BCL2L14: variants seen among roughly 807,000 people sequenced by gnomAD.
The protein encoded by BCL2L14 is BCL2 like 14, also known as apoptosis facilitator Bcl-2-like protein 14.
BCL2L14 carries 27 observed loss-of-function variants against 35.3 expected under a neutral mutation model. The ratio of observed to expected loss-of-function variants is 0.76; its 90% CI spans 0.56 to 1.05. The LOEUF is 1.05. BCL2L14 is among the 50% of genes least tolerant of loss of function. BCL2L14 has a pLI of 0.00. For missense variants in BCL2L14, 377 were observed against 382.6 expected (o/e 0.99, Z 0.12); for synonymous variants, 139 against 145.9 (o/e 0.95, Z 0.34).
chr12:12,091,652 A>C (rs1335055480), intron 4 of BCL2L14, among the ~76,000 whole-genome samples: 1 of 152,206 alleles, frequency 6.6e-6, no homozygotes, highest in Non-Finnish European at 1.5e-5. Flanking sequence ...CTTTGTCAAA[A>C]GTGTGCCCAG....
At chr12:12,094,439 T>C (rs1949265036) in intron 4 of BCL2L14, 1 of 1,318,104 alleles carries the variant, frequency 7.6e-7, no homozygotes, top group African/African-American at 1.4e-5. Flanking sequence ...AACTGACTGT[T>C]CCATTTTATA....
chr12:12,090,650 A>T lies in BCL2L14; in HGVS notation c.608-129A>T, dbSNP rs999305801. 4.2e-3 allele frequency: 2,328 copies of T among 555,808 alleles called. 1 individual carries two copies. The highest frequency in any genetic ancestry group is 7.7e-3 in the Middle Eastern group (15 of 1,938). 34.4% of individuals were successfully genotyped at this position (555,808 alleles called of 1,614,324 possible). On this transcript the variant is annotated intron_variant, in intron 3 of 5. Coordinates refer to ENST00000308721, the MANE Select transcript of BCL2L14 (RefSeq NM_138723.2). ...CTCTGTCTAAAAAATAAAAAATAAA[A>T]AAAAAAAAAAGAATTAGCATGCCTC...
At chr12:12,096,333 A>T in intron 5 of BCL2L14, 1 of 239,136 alleles carries the variant, frequency 4.2e-6, no homozygotes, top group Non-Finnish European at 6.8e-6. Context: ...ATATGCTATT[A>T]AAAAGCAGTG....
chr12:12,060,132 C>A (rs1336183881), intron 2 of BCL2L14, among the ~76,000 whole-genome samples: 1 of 151,440 alleles, frequency 6.6e-6, no homozygotes, highest in African/African-American at 2.4e-5. Flanking sequence ...TGCTCCTCCA[C>A]CCTATAATCC....
At position 12,076,684 on chromosome 12, in the gene BCL2L14, G is replaced by A. The variant is rs539669394; in HGVS notation, c.-7-2615G>A. ...CTCCCAGGCTCACTTCCATCAGAAC[G>A]CACCTAGCCAGGGACCCTTGCTTTC... On this transcript the variant is annotated intron_variant, in intron 1 of 5. Coordinates refer to ENST00000308721, the MANE Select transcript of BCL2L14 (RefSeq NM_138723.2). 4.6e-5 allele frequency among the ~76,000 whole-genome samples: 7 copies of A among 152,216 alleles called. No individual in the cohort carries two copies. In the East Asian group the frequency reaches 1.2e-3, roughly 25 times the overall value.
rs943892722 is a variant in BCL2L14 at position 12,084,960 on chromosome 12, G to A, written c.434-2253G>A. ...GTAGTGGCGGGAGCCACTACGTCCTGTAATCCCAGCTACACAGGAGGCTGA... is the reference window on the plus strand; with the variant it reads ...GTAGTGGCGGGAGCCACTACGTCCTATAATCCCAGCTACACAGGAGGCTGA... On this transcript the variant is annotated intron_variant, in intron 2 of 5. Coordinates refer to ENST00000308721, the MANE Select transcript of BCL2L14 (RefSeq NM_138723.2). Among the ~76,000 whole-genome samples the A allele has an allele frequency of 2.6e-5, 4 of 151,562 alleles. No homozygotes were observed. In the East Asian group the frequency reaches 7.8e-4, roughly 29 times the overall value.
intron 1 of BCL2L14, chr12:12,049,965 C>T (rs544007984): frequency 2.0e-5 from 3 of 152,248 alleles, no homozygotes; most frequent in African/African-American, 7.2e-5. Context: ...GTGAGTGCTA[C>T]ATAAGTTTCT....
intron 1 of BCL2L14, among the ~76,000 whole-genome samples, chr12:12,075,512 G>A (rs568178982): frequency 1.1e-4 from 17 of 151,576 alleles, no homozygotes; most frequent in African/African-American, 2.9e-4. Flanking sequence ...TGCAACCTCC[G>A]CCTCCTGGGT....
intron 2 of BCL2L14, among the ~76,000 whole-genome samples, chr12:12,082,809 G>A (rs535069138): frequency 2.0e-5 from 3 of 152,152 alleles, no homozygotes; most frequent in Middle Eastern, 3.4e-3. Context: ...TTCTCCTCAC[G>A]CTTGCATTTA....
At chr12:12,073,298 T>A (rs1166698084) in intron 1 of BCL2L14, among the ~76,000 whole-genome samples, 1 of 152,236 alleles carries the variant, frequency 6.6e-6, no homozygotes, top group Non-Finnish European at 1.5e-5. Context: ...GGTAGCCTCC[T>A]TCTGGGGCTG....
intron 2 of BCL2L14, among the ~76,000 whole-genome samples, chr12:12,057,191 TAAAC>T (rs1306748704): frequency 6.6e-5 from 10 of 152,274 alleles, no homozygotes; most frequent in East Asian, 5.8e-4. Flanking sequence ...TACAGGACAA[TAAAC>T]AAAGGCATTC....
intron 2 of BCL2L14, among the ~76,000 whole-genome samples, chr12:12,061,402 G>T (rs2448042): frequency 0.9 from 128,990 of 142,852 alleles, 58,095 homozygotes; most frequent in East Asian, 0.99. Context: ...GCTTTAAAAG[G>T]ATTAAAGCCT....
chr12:12,061,053 CCTCT>C (rs1224520923), intron 2 of BCL2L14, among the ~76,000 whole-genome samples: 20 of 102,712 alleles, frequency 1.9e-4, no homozygotes, highest in Non-Finnish European at 7.8e-5. Flanking sequence ...GGCTTCTAAA[CCTCT>C]TAAAACTCCC....
At chr12:12,071,686 C>G (rs1441613320) in intron 1 of BCL2L14, 2 of 152,240 alleles carry the variant, frequency 1.3e-5, no homozygotes, top group Admixed American at 6.5e-5. Context: ...TCTCCTCTCT[C>G]CCCTCTAGAA....
In BCL2L14 at chr12:12,051,557, C is replaced by T. The variant is rs372262527; in HGVS notation, c.-323-239C>T. 5.5e-5 allele frequency among the ~76,000 whole-genome samples: 8 copies of T among 144,892 alleles called. No individual in the cohort carries two copies. In the East Asian group the frequency reaches 1.4e-3, roughly 25 times the overall value. ...CACACAGCCAGATCAAATTTACCCC[C>T]TGGTAACTTTCAGCCCCTGGTCCCC... On this transcript the variant is annotated intron_variant, in intron 1 of 3. Transcript: ENST00000461264.
At chr12:12,064,496 C>T (rs1948571020) in intron 2 of BCL2L14, among the ~76,000 whole-genome samples, 1 of 152,140 alleles carries the variant, frequency 6.6e-6, no homozygotes, top group South Asian at 2.1e-4. Flanking sequence ...GCCTACTACA[C>T]AGCTGAGTTA....
At position 12,059,652 on chromosome 12, in the gene BCL2L14, T is replaced by A. The variant is rs554108937; in HGVS notation, c.-272+7805T>A. ...CGTGTCTCTACTCTTTTCTCTGGGC[T>A]TGCCTCCTTCACTATAGGCAAGCTT... On this transcript the variant is annotated intron_variant, in intron 2 of 3. Coordinates refer to the BCL2L14 transcript ENST00000461264. Among the ~76,000 whole-genome samples, 12 of 152,130 alleles carry A rather than the reference T, an allele frequency of 7.9e-5. No homozygotes were observed. In the South Asian group the frequency reaches 1.7e-3, roughly 21 times the overall value.
At chr12:12,055,689 A>G (rs1245386104) in intron 2 of BCL2L14, 1 of 152,178 alleles carries the variant, frequency 6.6e-6, no homozygotes, top group East Asian at 1.9e-4. Flanking sequence ...TCTGGTAGAG[A>G]ATACAGAAGT....
chr12:12,061,778 C>G, intron 2 of BCL2L14, among the ~76,000 whole-genome samples: 1 of 152,196 alleles, frequency 6.6e-6, no homozygotes, highest in Non-Finnish European at 1.5e-5. Context: ...CCCATTACTT[C>G]AGTCAAGCCC....
Sources: allele counts gnomAD v4.1 joint callset (sites outside exome capture counted in the v4.1 genomes callset), GRCh38; gene constraint gnomAD v4.1.1; transcripts MANE v1.5; gene names NCBI Gene and HGNC (gene_info 2026-07-23, HGNC 2026-07-21).